FCRL5: variants seen among roughly 807,000 people sequenced by gnomAD.
FCRL5 encodes Fc receptor like 5, also known as Fc receptor-like protein 5.
In FCRL5, 79 loss-of-function variants were observed where a neutral mutation model predicts 92.1. That is an observed-to-expected ratio of 0.86 (90% CI 0.72 to 1.03). The LOEUF (loss-of-function observed/expected upper bound fraction) is 1.03, where lower values mean the gene tolerates loss of function less well. Ranked by LOEUF, FCRL5 falls within the 50% of genes least tolerant of loss-of-function variation. FCRL5 has a pLI of 0.00. For missense variants in FCRL5, 1,160 were observed against 1,181.1 expected (o/e 0.98, Z 0.26); for synonymous variants, 466 against 469.3 (o/e 0.99, Z 0.09).
Position 157,531,226 on chromosome 1 carries a change from A to C in FCRL5, c.1682-3331T>G, listed in dbSNP as rs573761558. On this transcript the variant is annotated intron_variant, in intron 8 of 16. Coordinates refer to ENST00000361835, the MANE Select transcript of FCRL5 (RefSeq NM_031281.3). ...CAACAGGTACATGAAAAAAATGGTC[A>C]ATATCACTAATTATTGGGGAAATAC... is the stretch of plus-strand genomic sequence containing the variant. Among the ~76,000 whole-genome samples, 150 of 152,358 alleles carry C rather than the reference A, an allele frequency of 9.8e-4. 2 individuals carry two copies. The South Asian group carries it at 0.013, about 13-fold the overall frequency.
chr1:157,513,699 T>A lies in FCRL5; in HGVS notation c.*1976A>T, dbSNP rs1430551105. 1 of 152,068 alleles carries A rather than the reference T, an allele frequency of 6.6e-6. No individual in the cohort carries two copies. The highest frequency in any genetic ancestry group is 1.5e-5 in the Non-Finnish European group (1 of 68,026). The allele number at this position is 152,068 out of a possible 1,614,324, so 9.4% of individuals were successfully genotyped here. ...AGTTTGTTCTGCCACTGTGCAGTTA[T>A]CATTCTGGGATGGGGGTACCTTACT... On this transcript the variant is annotated 3_prime_UTR_variant, in exon 17 of 17. Transcript: ENST00000361835.
At chr1:157,518,364 G>A in intron 15 of FCRL5, 65 bp downstream of exon 15, 1 of 1,399,184 alleles carries the variant, frequency 7.1e-7, no homozygotes, top group Admixed American at 1.7e-5. Context: ...TGCTGAGTGG[G>A]TAGAAACTGA....
At position 157,552,412 on chromosome 1, in the gene FCRL5, T is replaced by G; in HGVS notation, c.-50A>C. ...AGATCAAAAGAGAAGTTTCCTCAAT[T>G]CCAAAACAGGTTTGGACTTGATCTT... is the stretch of plus-strand genomic sequence containing the variant. On this transcript the variant is annotated 5_prime_UTR_variant, in exon 1 of 17. Coordinates refer to ENST00000361835, the MANE Select transcript of FCRL5 (RefSeq NM_031281.3). 6.2e-7 allele frequency: 1 copy of G among 1,607,122 alleles called. No individual in the cohort carries two copies. The highest frequency in any genetic ancestry group is 8.5e-7 in the Non-Finnish European group (1 of 1,173,796).
At chr1:157,548,243 C>T (rs1372129293) in intron 2 of FCRL5, among the ~76,000 whole-genome samples, 1 of 152,190 alleles carries the variant, frequency 6.6e-6, no homozygotes, top group Non-Finnish European at 1.5e-5. Flanking sequence ...GGCCCTTGGA[C>T]GATGCCAAAA....
In FCRL5 at chr1:157,544,431, C is replaced by T; in HGVS notation, c.675G>A (p.Arg225=). 1 of 1,614,206 alleles carries T rather than the reference C, an allele frequency of 6.2e-7. No individual in the cohort carries two copies. The highest frequency in any genetic ancestry group is 8.5e-7 in the Non-Finnish European group (1 of 1,180,046). Residue 225 remains arginine (R), a synonymous_variant, in exon 5 of 17, where the codon CGG becomes CGA. Transcript: ENST00000361835. The part of the protein sequence containing the change: ...LSLERSDVPL[R]FRFFRDDQTL... ...TCTGGTCATCTCTGAAGAAGCGGAA[C>T]CGGAGCGGGACATCTGACCTCTCTA...
rs757398041 is a variant in FCRL5, at chr1:157,544,484, T to A, written c.622A>T (p.Thr208Ser). The change falls in exon 5 of 17, where the codon ACC becomes TCC. Residue 208 changes from threonine (T) to serine (S), a missense_variant. Coordinates refer to ENST00000361835, the MANE Select transcript of FCRL5 (RefSeq NM_031281.3). The part of the protein sequence containing the change: ...SFQPISGNPV[T>S]LTCETQLSLE... ...GAGAGCTGGGTCTCACAGGTCAGGG[T>A]CACTGGGTTCCCGCTGATGGGCTGG... The A allele has an allele frequency of 1.9e-6, 3 of 1,614,122 alleles. No homozygotes were observed. Among genetic ancestry groups the A allele is most frequent in the Non-Finnish European group, 2.5e-6 (3 of 1,180,014 alleles).
chr1:157,519,606 G>C (rs181764920), intron 13 of FCRL5, 137 bp downstream of exon 13: 1 of 877,620 alleles, frequency 1.1e-6, no homozygotes, highest in Non-Finnish European at 1.9e-6. Context: ...CCCCAGGGAC[G>C]TACAACAGGT....
chr1:157,530,607 G>A (rs1183209609), intron 8 of FCRL5, among the ~76,000 whole-genome samples: 4 of 152,258 alleles, frequency 2.6e-5, no homozygotes, highest in African/African-American at 7.2e-5. Context: ...TGATCTGCCC[G>A]CCTCGGCCTC....
At chr1:157,526,512 TAC>T (rs1571083293) in intron 9 of FCRL5, among the ~76,000 whole-genome samples, 1 of 152,126 alleles carries the variant, frequency 6.6e-6, no homozygotes, top group African/African-American at 2.4e-5. Context: ...CAAAGGATCC[TAC>T]AGAGACAGAG....
At chr1:157,516,023 T>C (rs1649913957) in intron 15 of FCRL5, 150 bp from the exon 16 acceptor site, 1 of 802,958 alleles carries the variant, frequency 1.2e-6, no homozygotes, top group Admixed American at 2.0e-5. Context: ...GCTCACCCAG[T>C]CCCTCTCCAT....
Position 157,518,103 on chromosome 1 carries a change from C to T in FCRL5, c.2812+326G>A, listed in dbSNP as rs550140199. On this transcript the variant is annotated intron_variant, in intron 15 of 16. Coordinates refer to ENST00000361835, the MANE Select transcript of FCRL5 (RefSeq NM_031281.3). ...TCACCTAGTTTATGGTACTCTGTTA[C>T]AGGAGCCAGAACTGACTAAGACAGT... 4.6e-5 allele frequency among the ~76,000 whole-genome samples: 7 copies of T among 152,234 alleles called. No homozygotes were observed. The East Asian group carries it at 1.2e-3, about 25-fold the overall frequency.
intron 8 of FCRL5, among the ~76,000 whole-genome samples, chr1:157,531,212 T>C (rs1650680694): frequency 6.6e-6 from 1 of 152,078 alleles, no homozygotes; most frequent in African/African-American, 2.4e-5. Flanking sequence ...AACAGGTACA[T>C]GAAAAAAATG....
rs1317676597 is a variant in FCRL5, at chr1:157,514,165, A to G, written c.*1510T>C. 6.6e-6 allele frequency: 1 copy of G among 152,222 alleles called. No individual in the cohort carries two copies. The highest frequency in any genetic ancestry group is 2.4e-5 in the African/African-American group (1 of 41,472). The allele number at this position is 152,222 out of a possible 1,614,324, so 9.4% of individuals were successfully genotyped here. ...GTGAGCTTCCAATGCCCTTGGAAGG[A>G]TTTTATTTCAGGGCCGTGGGGCTTA... On this transcript the variant is annotated 3_prime_UTR_variant, in exon 17 of 17. Transcript: ENST00000361835.
intron 3 of FCRL5, among the ~76,000 whole-genome samples, chr1:157,546,598 C>T: frequency 6.6e-6 from 1 of 152,122 alleles, no homozygotes; most frequent in East Asian, 1.9e-4. Flanking sequence ...TGCTGGACCC[C>T]ACTTCTACAG....
chr1:157,538,940 T>A (rs571664148), intron 7 of FCRL5, 146 bp downstream of exon 7: 50 of 881,400 alleles, frequency 5.7e-5, no homozygotes, highest in Non-Finnish European at 5.0e-6. Context: ...GACAGCTGGT[T>A]CAGTGAGCTA....
At chr1:157,525,519 C>G (rs960475654) in intron 9 of FCRL5, among the ~76,000 whole-genome samples, 60 of 152,194 alleles carry the variant, frequency 3.9e-4, no homozygotes, top group African/African-American at 1.4e-3. Flanking sequence ...GTCTATAAGT[C>G]TATCTATGCA....
chr1:157,523,429 G>A (rs1317271735), intron 10 of FCRL5, among the ~76,000 whole-genome samples: 1 of 152,244 alleles, frequency 6.6e-6, no homozygotes, highest in East Asian at 1.9e-4. Flanking sequence ...CTTTGTGGGT[G>A]TGGAAATTGA....
At chr1:157,543,694 A>T (rs1651379077) in intron 5 of FCRL5, among the ~76,000 whole-genome samples, 1 of 152,190 alleles carries the variant, frequency 6.6e-6, no homozygotes, top group Admixed American at 6.5e-5. Flanking sequence ...TTTTTCCCTC[A>T]TCACTGTAAC....
rs12567024 is a variant in FCRL5, at chr1:157,548,877, C to A, written c.52+683G>T. ...TCAACCATTGTGGAAGTCAGTGTGGCGATTCCTCAGGGATCTAGAAGCAGA... is the reference window on the plus strand; with the variant it reads ...TCAACCATTGTGGAAGTCAGTGTGGAGATTCCTCAGGGATCTAGAAGCAGA... On this transcript the variant is annotated intron_variant, in intron 2 of 16. Coordinates refer to ENST00000361835, the MANE Select transcript of FCRL5 (RefSeq NM_031281.3). Among the ~76,000 whole-genome samples, 8 of 152,194 alleles carry A rather than the reference C, an allele frequency of 5.3e-5. No individual in the cohort carries two copies. The South Asian group carries it at 1.0e-3, about 20-fold the overall frequency.
Sources: gnomAD v4.1 joint callset for allele counts (sites outside exome capture counted in the v4.1 genomes callset) on GRCh38, gnomAD v4.1.1 for gene constraint, MANE v1.5 for transcripts, NCBI Gene and HGNC (gene_info 2026-07-23, HGNC 2026-07-21) for gene names.